The following NOB1 variants were observed in gnomAD, a reference collection of about 807,000 sequenced individuals.
NOB1 encodes NIN1 (RPN12) binding protein 1 homolog, also known as RNA-binding protein NOB1.
Under a neutral mutation model 44.8 loss-of-function variants are expected in NOB1, and 44 were observed. The observed-to-expected ratio is 0.98, with a 90% confidence interval of 0.77 to 1.26. The LOEUF is 1.26. NOB1 is among the 50% of genes most tolerant of loss of function. NOB1 has a pLI of 0.00. For missense variants in NOB1, 560 were observed against 544.8 expected (o/e 1.03, Z -0.28); for synonymous variants, 238 against 218.7 (o/e 1.09, Z -0.78).
At chr16:69,743,044 G>A (rs915447634) in intron 8 of NOB1, among the ~76,000 whole-genome samples, 2 of 152,124 alleles carry the variant, frequency 1.3e-5, no homozygotes, top group Non-Finnish European at 2.9e-5. Context: ...GCACAGGCAG[G>A]AGATGGCTGA....
Position 69,752,365 on chromosome 16 carries a change from T to A in NOB1, c.203A>T (p.Glu68Val). 6.2e-7 allele frequency: 1 copy of A among 1,613,004 alleles called. No individual in the cohort carries two copies. ...GTAGTCTCCTGTTTTCTTTGAAAACTCAGTCACTGTAAACAACAGATTTAC... is the reference window on the plus strand; with the variant it reads ...GTAGTCTCCTGTTTTCTTTGAAAACACAGTCACTGTAAACAACAGATTTAC... ...PLPEYVRLVT[E>V]FSKKTGDYPS... The change falls in exon 3 of 9, where the codon GAG (glutamate) becomes GTG (valine). Residue 68 changes from glutamate (E) to valine (V), a missense_variant. By Grantham distance (121) the Glu-to-Val change is moderately radical (BLOSUM62 -2). Coordinates refer to ENST00000268802, the MANE Select transcript of NOB1 (RefSeq NM_014062.3).
intron 3 of NOB1, among the ~76,000 whole-genome samples, chr16:69,750,297 GC>G (rs1482596797): frequency 6.6e-6 from 1 of 151,912 alleles, no homozygotes; most frequent in Non-Finnish European, 1.5e-5. Context: ...GAGCCACCGA[GC>G]CTGGCTGACA....
At chr16:69,742,740 G>T in intron 8 of NOB1, 139 bp from the exon 9 acceptor site, 1 of 821,626 alleles carries the variant, frequency 1.2e-6, no homozygotes, top group Non-Finnish European at 1.9e-6. Context: ...CCTACCATGT[G>T]CTACGTGTGA....
chr16:69,743,954 G>GA lies in NOB1; in HGVS notation c.969+918dup, dbSNP rs2038406591. On this transcript the variant is annotated intron_variant, in intron 8 of 8. Coordinates refer to ENST00000268802, the MANE Select transcript of NOB1 (RefSeq NM_014062.3). ...TGTACAATCTACTCAGATGGTTCAG[G>GA]AAAAAAATATGTACATGTATAAAGA... Among the ~76,000 whole-genome samples the GA allele has an allele frequency of 3.9e-5, 6 of 152,232 alleles. No individual in the cohort carries two copies. In the South Asian group the frequency reaches 1.0e-3, roughly 26 times the overall value.
intron 3 of NOB1, among the ~76,000 whole-genome samples, chr16:69,750,270 G>A (rs995028930): frequency 2.9e-4 from 44 of 151,972 alleles, no homozygotes; most frequent in African/African-American, 6.3e-4. Flanking sequence ...CTCCCAAAGC[G>A]CTGGGATTAC....
chr16:69,754,502 A>T, intron 2 of NOB1, 92 bp downstream of exon 2: 18 of 1,525,770 alleles, frequency 1.2e-5, no homozygotes, highest in Non-Finnish European at 1.6e-5. Context: ...TACTGCTCTG[A>T]TAAGGCAGCT....
At chr16:69,745,387 C>T (rs1263378221) in intron 7 of NOB1, among the ~76,000 whole-genome samples, 1 of 152,214 alleles carries the variant, frequency 6.6e-6, no homozygotes, top group Non-Finnish European at 1.5e-5. Context: ...GCAGCTTGCT[C>T]AAGGTCACCC....
At chr16:69,749,395 G>T in intron 4 of NOB1, 57 bp from the exon 5 acceptor site, 1 of 1,578,682 alleles carries the variant, frequency 6.3e-7, no homozygotes, top group Non-Finnish European at 8.6e-7. Context: ...CCACCTCTCA[G>T]GTCACAGATG....
At chr16:69,747,195 TG>T (rs1387322911) in intron 7 of NOB1, among the ~76,000 whole-genome samples, 1 of 117,114 alleles carries the variant, frequency 8.5e-6, no homozygotes, top group Non-Finnish European at 1.6e-5. Context: ...CACTCCAGCC[TG>T]GGCAACAAGA....
intron 8 of NOB1, 81 bp from the exon 9 acceptor site, chr16:69,742,682 C>G: frequency 7.1e-7 from 1 of 1,406,310 alleles, no homozygotes; most frequent in Non-Finnish European, 9.9e-7. Flanking sequence ...GTGCAGCCGA[C>G]CTTGCAGATC....
chr16:69,752,274 A>G lies in NOB1; in HGVS notation c.294T>C (p.Val98=), dbSNP rs1381605855. The G allele has an allele frequency of 6.2e-7, 1 of 1,612,922 alleles. No individual in the cohort carries two copies. Among genetic ancestry groups the G allele is most frequent in the Non-Finnish European group, 8.5e-7 (1 of 1,179,808 alleles). ...GTTCTTGTTTTAGGTGAGACACCCC[A>G]ACAAACTCTGCTTCCAACTGGTATG... ...ALTYQLEAEF[V]GVSHLKQEPQ... Residue 98 remains valine (V), a synonymous_variant, in exon 3 of 9, where the codon GTT becomes GTC. Coordinates refer to ENST00000268802, the MANE Select transcript of NOB1 (RefSeq NM_014062.3).
At chr16:69,749,166 G>C (rs1456876820) in intron 5 of NOB1, 47 bp downstream of exon 5, 1 of 1,613,424 alleles carries the variant, frequency 6.2e-7, no homozygotes, top group Non-Finnish European at 8.5e-7. Flanking sequence ...AGGAGCAGTG[G>C]AGGAGAAGTT....
At chr16:69,748,854 T>C (rs1597616671) in intron 6 of NOB1, 64 bp downstream of exon 6, 7 of 1,399,238 alleles carry the variant, frequency 5.0e-6, no homozygotes, top group East Asian at 5.0e-5. Context: ...TGTACATCTG[T>C]ACACCTCGGT....
chr16:69,748,909 C>A lies in NOB1; in HGVS notation c.726+9G>T, dbSNP rs1248289181. The stretch of plus-strand genomic sequence containing the variant: ...TGTGTGACACACGGCCCAGGCCCAC[C>A]CTACCCACCTGCATGGCGAAGTCTG... On this transcript the variant is annotated intron_variant, in intron 6 of 8. Transcript: ENST00000268802. The A allele has an allele frequency of 2.5e-6, 4 of 1,590,902 alleles. No homozygotes were observed. The South Asian group carries it at 4.6e-5, about 18-fold the overall frequency.
intron 3 of NOB1, among the ~76,000 whole-genome samples, chr16:69,750,790 T>G (rs572239620): frequency 4.6e-5 from 7 of 152,198 alleles, no homozygotes; most frequent in African/African-American, 1.4e-4. Flanking sequence ...AATTTGAGGG[T>G]AGTTTCAACT....
intron 8 of NOB1, among the ~76,000 whole-genome samples, chr16:69,743,494 C>T (rs569381515): frequency 6.6e-6 from 1 of 152,296 alleles, no homozygotes; most frequent in South Asian, 2.1e-4. Flanking sequence ...AGACAATTAG[C>T]ATTTACCCAC....
Position 69,742,490 on chromosome 16 carries a change from C to G in NOB1, c.1081G>C (p.Val361Leu). Residue 361 changes from valine (V) to leucine (L), a missense_variant, in exon 9 of 9, where the codon GTG becomes CTG. Coordinates refer to ENST00000268802, the MANE Select transcript of NOB1 (RefSeq NM_014062.3). ...CCGGCGATGTAGTCAGGGGCGAACA[C>G]GTTGGTTTTCTGCCTGGCCTTTTGG... ...LSQKARQKTN[V>L]FAPDYIAGVS... 6.2e-7 allele frequency: 1 copy of G among 1,614,234 alleles called. No homozygotes were observed. Among genetic ancestry groups the G allele is most frequent in the South Asian group, 1.1e-5 (1 of 91,092 alleles).
intron 3 of NOB1, among the ~76,000 whole-genome samples, chr16:69,751,891 G>A (rs6499250): frequency 0.85 from 129,839 of 152,000 alleles, 55,675 homozygotes; most frequent in Admixed American, 0.9. Flanking sequence ...GCGAAACCCC[G>A]TCTCTACTAA....
Position 69,744,957 on chromosome 16 carries a change from T to G in NOB1, c.885A>C (p.Lys295Asn). 6.2e-7 allele frequency: 1 copy of G among 1,614,168 alleles called. No homozygotes were observed. Among genetic ancestry groups the G allele is most frequent in the East Asian group, 2.2e-5 (1 of 44,888 alleles). ...CSHCGNKTLKKVSVTVSDDGT... is the reference protein window; with the variant it reads ...CSHCGNKTLKNVSVTVSDDGT... ...CGTCGTCGCTGACGGTCACGGACAC[T>G]TTCTTCAGGGTCTTGTTCCCACAGT... is the stretch of plus-strand genomic sequence containing the variant. The change falls in exon 8 of 9, where the codon AAA (lysine) becomes AAC (asparagine). Residue 295 changes from lysine to asparagine, a missense_variant. Coordinates refer to ENST00000268802, the MANE Select transcript of NOB1 (RefSeq NM_014062.3).
Sources: gnomAD v4.1 joint callset for allele counts (sites outside exome capture counted in the v4.1 genomes callset) on GRCh38, gnomAD v4.1.1 for gene constraint, MANE v1.5 for transcripts, NCBI Gene and HGNC (gene_info 2026-07-23, HGNC 2026-07-21) for gene names.